The following RABGAP1 variants were observed in gnomAD, a reference collection of about 807,000 sequenced individuals.
The protein encoded by RABGAP1 is RAB GTPase activating protein 1.
In RABGAP1, 23 loss-of-function variants were observed where a neutral mutation model predicts 137.6. The ratio of observed to expected loss-of-function variants is 0.17; its 90% CI spans 0.12 to 0.24. The LOEUF is 0.24. Ranked by LOEUF, RABGAP1 falls within the 10% of genes least tolerant of loss-of-function variation. The pLI, the probability that RABGAP1 is intolerant of heterozygous loss-of-function variation, is 1.00. For synonymous variants in RABGAP1, 451 were observed against 450.7 expected (o/e 1.00, Z -0.01); for missense variants, 906 against 1,275.8 (o/e 0.71, Z 4.42).
Position 123,079,243 on chromosome 9 carries a change from T to TG in RABGAP1, c.2424+2481_2424+2482insG, listed in dbSNP as rs1382388806. ...TTTGTTTTTTTGTTTTGTTTTGTTT[T>TG]TTTTTTTTTTTTTTGAGACAGGGTC... On this transcript the variant is annotated intron_variant, in intron 19 of 25. Coordinates refer to ENST00000373647, the MANE Select transcript of RABGAP1 (RefSeq NM_012197.4). Among the ~76,000 whole-genome samples the TG allele has an allele frequency of 2.7e-3, 164 of 61,204 alleles. 1 individual carries two copies. In the South Asian group the frequency reaches 0.047, roughly 18 times the overall value. 40.2% of individuals were successfully genotyped at this position (61,204 alleles called of 152,430 possible). A position where few individuals can be genotyped will look rare whatever the true frequency, so the allele number is the denominator to read the frequency against.
chr9:123,089,493 G>A, intron 19 of RABGAP1: 1 of 340,516 alleles, frequency 2.9e-6, no homozygotes, highest in Non-Finnish European at 5.4e-6. Flanking sequence ...CTTGTAGGAG[G>A]AGCCGTCTGT....
chr9:123,077,000 CGTT>C (rs769296808), intron 19 of RABGAP1: 49 of 146,708 alleles, frequency 3.3e-4, no homozygotes, highest in Non-Finnish European at 5.5e-4. Context: ...AATGAAATCT[CGTT>C]GTCCCCCCAA....
chr9:123,051,301 G>A (rs2033459334), intron 13 of RABGAP1, among the ~76,000 whole-genome samples: 1 of 123,836 alleles, frequency 8.1e-6, no homozygotes, highest in African/African-American at 3.1e-5. Flanking sequence ...AGGCTGGAGT[G>A]CAATGGCGCG....
rs755752351 is a variant in RABGAP1, at chr9:122,998,579, C to T, written c.1205-18C>T. The T allele has an allele frequency of 6.6e-7, 1 of 1,506,488 alleles. No homozygotes were observed. The highest frequency in any genetic ancestry group is 1.3e-5 in the South Asian group (1 of 77,712). 93.3% of individuals were successfully genotyped at this position (1,506,488 alleles called of 1,614,324 possible). ...TGTTTCTGATTTACCTCTTCAGCCT[C>T]TCTCTTTCTTTGTTTAGATAAAGTC... On this transcript the variant is annotated intron_variant, in intron 9 of 25. Transcript: ENST00000373647.
intron 5 of RABGAP1, chr9:122,989,839 G>A (rs797019535): frequency 3.7e-6 from 2 of 533,378 alleles, no homozygotes; most frequent in African/African-American, 3.8e-5. Flanking sequence ...TTTTAAATTG[G>A]ATTTATAGTG....
At chr9:122,936,294 C>G (rs1833386691), upstream of RABGAP1, among the ~76,000 whole-genome samples, 1 of 152,166 alleles carries the variant, frequency 6.6e-6, no homozygotes, top group African/African-American at 2.4e-5. Flanking sequence ...GTCCCTTAGG[C>G]TTTATTTACT....
chr9:123,102,326 G>A (rs1458375274), intron 25 of RABGAP1, among the ~76,000 whole-genome samples: 4 of 152,128 alleles, frequency 2.6e-5, no homozygotes, highest in African/African-American at 9.7e-5. Context: ...AATACACATT[G>A]CTAGGTCCAC....
chr9:123,014,630 T>C (rs1184252259), intron 11 of RABGAP1, among the ~76,000 whole-genome samples: 1 of 151,380 alleles, frequency 6.6e-6, no homozygotes, highest in African/African-American at 2.4e-5. Context: ...CGACCGAGAC[T>C]GAGTAATTTA....
intron 13 of RABGAP1, among the ~76,000 whole-genome samples, chr9:123,042,837 G>A (rs575234651): frequency 6.6e-6 from 1 of 152,300 alleles, no homozygotes; most frequent in Non-Finnish European, 1.5e-5. Context: ...CCATTTCAGT[G>A]TAATAAAAAG....
chr9:123,022,523 C>CAAAAAAAAAAAAAAATAAATAAATAAAT (rs1554719431), intron 13 of RABGAP1, among the ~76,000 whole-genome samples: 2 of 152,026 alleles, frequency 1.3e-5, no homozygotes, highest in Non-Finnish European at 2.9e-5. Flanking sequence ...TCTCCTGCCG[C>CAAAAAAAAAAAAAAATAAATAAATAAAT]AGCCCCCTGA....
intron 15 of RABGAP1, 93 bp from the exon 16 acceptor site, chr9:123,073,459 A>G: frequency 5.4e-6 from 8 of 1,470,864 alleles, no homozygotes; most frequent in Non-Finnish European, 7.4e-6. Context: ...GCAATAATAT[A>G]AAGCTGGATT....
intron 25 of RABGAP1, 115 bp downstream of exon 25, chr9:123,101,878 TCA>T: frequency 1.8e-6 from 2 of 1,096,762 alleles, no homozygotes; most frequent in Non-Finnish European, 2.5e-6. Flanking sequence ...TAAACTTTGG[TCA>T]CAGTTGTCAT....
At chr9:123,051,216 GTTTTT>G (rs552457119) in intron 13 of RABGAP1, among the ~76,000 whole-genome samples, 1 of 34,278 alleles carries the variant, frequency 2.9e-5, no homozygotes. Context: ...ATTCACCTTG[GTTTTT>G]TTTTTTTTTT....
intron 12 of RABGAP1, among the ~76,000 whole-genome samples, chr9:123,017,895 AAC>A (rs2031347562): frequency 6.6e-6 from 1 of 152,242 alleles, no homozygotes; most frequent in East Asian, 1.9e-4. Context: ...CAGAATTTTT[AAC>A]ACAGTCACGG....
intron 13 of RABGAP1, chr9:123,035,585 G>T: frequency 6.2e-7 from 1 of 1,601,682 alleles, no homozygotes. Flanking sequence ...ACAGTTAGAA[G>T]CAAAGGCCCT....
chr9:123,061,599 T>G (rs760944785), intron 13 of RABGAP1, among the ~76,000 whole-genome samples: 1 of 152,248 alleles, frequency 6.6e-6, no homozygotes, highest in Admixed American at 6.5e-5. Context: ...TGCATAATCC[T>G]ATTGCATTTT....
At chr9:122,950,907 T>G (rs530895339) in intron 1 of RABGAP1, among the ~76,000 whole-genome samples, 16 of 152,242 alleles carry the variant, frequency 1.1e-4, no homozygotes, top group African/African-American at 3.4e-4. Context: ...TAAGAAAAGA[T>G]AGTGGTAGGA....
At position 123,101,504 on chromosome 9, in the gene RABGAP1, C is replaced by G. The variant is rs1449810872; in HGVS notation, c.2890-62C>G. ...CTTGGTGTCCCCCAAAGGAGATGCT[C>G]ACACCATCCTAAAGGGCCAGTTCCT... is the stretch of plus-strand genomic sequence containing the variant. On this transcript the variant is annotated intron_variant, in intron 24 of 25. Coordinates refer to ENST00000373647, the MANE Select transcript of RABGAP1 (RefSeq NM_012197.4). 4.0e-5 allele frequency: 59 copies of G among 1,481,698 alleles called. 1 individual carries two copies. The South Asian group carries it at 7.1e-4, about 18-fold the overall frequency. 91.8% of individuals were successfully genotyped at this position (1,481,698 alleles called of 1,614,324 possible). A position where few individuals can be genotyped will look rare whatever the true frequency, so the allele number is the denominator to read the frequency against.
At chr9:123,068,832 A>G (rs1019558819) in intron 14 of RABGAP1, among the ~76,000 whole-genome samples, 4 of 152,228 alleles carry the variant, frequency 2.6e-5, no homozygotes, top group Non-Finnish European at 4.4e-5. Flanking sequence ...TATTAACTTG[A>G]CTAGCATCTA....
Sources: gnomAD v4.1 joint callset for allele counts (sites outside exome capture counted in the v4.1 genomes callset) on GRCh38, gnomAD v4.1.1 for gene constraint, MANE v1.5 for transcripts, NCBI Gene and HGNC (gene_info 2026-07-23, HGNC 2026-07-21) for gene names.